The following EXOC6B variants were observed in gnomAD, a reference collection of about 807,000 sequenced individuals.
The protein encoded by EXOC6B is SEC15 homolog B.
In EXOC6B, 54 loss-of-function variants were observed where a neutral mutation model predicts 113.5. The ratio of observed to expected loss-of-function variants is 0.48; its 90% confidence interval spans 0.38 to 0.60. The LOEUF is 0.60. EXOC6B is among the 20% of genes least tolerant of loss of function. EXOC6B has a pLI of 0.00. For synonymous variants in EXOC6B, 357 were observed against 339.0 expected, an observed-to-expected ratio of 1.05 and a Z score of -0.58; for missense variants, 797 against 977.5, an observed-to-expected ratio of 0.82 and a Z score of 2.46.
At chr2:72,587,502 T>A (rs1272215729) in intron 6 of EXOC6B, among the ~76,000 whole-genome samples, 1 of 152,100 alleles carries the variant, frequency 6.6e-6, no homozygotes, top group Non-Finnish European at 1.5e-5. Flanking sequence ...ATCATTCACA[T>A]CCCAAACCTT....
chr2:72,456,860 G>T (rs1367130268), intron 18 of EXOC6B, among the ~76,000 whole-genome samples: 1 of 152,046 alleles, frequency 6.6e-6, no homozygotes, highest in African/African-American at 2.4e-5. Flanking sequence ...ATTTTAAAAA[G>T]TGCCACAAAG....
intron 20 of EXOC6B, among the ~76,000 whole-genome samples, chr2:72,215,219 C>A (rs932939099): frequency 2.0e-5 from 3 of 152,166 alleles, no homozygotes; most frequent in Non-Finnish European, 4.4e-5. Flanking sequence ...ATCAGTAAGT[C>A]TTACTGTTTC....
At chr2:72,240,519 T>C (rs754191093) in intron 20 of EXOC6B, among the ~76,000 whole-genome samples, 1 of 152,196 alleles carries the variant, frequency 6.6e-6, no homozygotes, top group Non-Finnish European at 1.5e-5. Context: ...GACCTATATA[T>C]ATTCCAAATG....
At chr2:72,488,296 A>G (rs977671817) in intron 16 of EXOC6B, among the ~76,000 whole-genome samples, 1 of 151,858 alleles carries the variant, frequency 6.6e-6, no homozygotes, top group African/African-American at 2.4e-5. Context: ...TGATATCTTA[A>G]TATCAGAGTA....
chr2:72,693,989 G>T (rs1677686454), intron 6 of EXOC6B, among the ~76,000 whole-genome samples: 1 of 152,134 alleles, frequency 6.6e-6, no homozygotes, highest in Non-Finnish European at 1.5e-5. Flanking sequence ...GAGGAAATGT[G>T]ACATGAGATA....
chr2:72,513,297 TTTTA>T (rs1443024966), intron 10 of EXOC6B, 45 bp from the exon 11 acceptor site: 2 of 1,607,886 alleles, frequency 1.2e-6, no homozygotes, highest in Middle Eastern at 3.3e-4. Context: ...GAAATTACAG[TTTTA>T]TTACTCTCTC....
intron 17 of EXOC6B, among the ~76,000 whole-genome samples, chr2:72,472,364 T>C (rs1376355046): frequency 6.6e-6 from 1 of 152,186 alleles, no homozygotes; most frequent in Non-Finnish European, 1.5e-5. Flanking sequence ...AGATACTATT[T>C]ATTACTGCTT....
chr2:72,804,882 C>T (rs1685495796), intron 1 of EXOC6B, among the ~76,000 whole-genome samples: 1 of 152,128 alleles, frequency 6.6e-6, no homozygotes, highest in South Asian at 2.1e-4. Context: ...CAGACGTGAG[C>T]CACCACACCC....
At chr2:72,772,171 G>A (rs1227887262) in intron 1 of EXOC6B, among the ~76,000 whole-genome samples, 4 of 152,174 alleles carry the variant, frequency 2.6e-5, no homozygotes, top group Non-Finnish European at 5.9e-5. Flanking sequence ...GGAGGAAAAC[G>A]AGAATGATAT....
At chr2:72,508,184 A>ACC (rs1553430338) in intron 11 of EXOC6B, among the ~76,000 whole-genome samples, 10 of 89,108 alleles carry the variant, frequency 1.1e-4, no homozygotes, top group South Asian at 5.8e-4. Context: ...AAAAAAAAAA[A>ACC]ACACCTAAAA....
At chr2:72,264,216 G>T (rs1042004099) in intron 20 of EXOC6B, among the ~76,000 whole-genome samples, 1 of 152,132 alleles carries the variant, frequency 6.6e-6, no homozygotes, top group African/African-American at 2.4e-5. Context: ...ATGGGACCCA[G>T]AGTCTCTTCT....
intron 20 of EXOC6B, among the ~76,000 whole-genome samples, chr2:72,244,395 A>G (rs146369941): frequency 2.0e-5 from 3 of 152,326 alleles, no homozygotes; most frequent in African/African-American, 7.2e-5. Context: ...TTGTGGATGC[A>G]GCAAACGTAA....
intron 6 of EXOC6B, among the ~76,000 whole-genome samples, chr2:72,645,159 A>C (rs1673606807): frequency 6.6e-6 from 1 of 152,176 alleles, no homozygotes; most frequent in African/African-American, 2.4e-5. Flanking sequence ...AATAAAACAG[A>C]CTTTAAACCA....
At chr2:72,479,855 T>C (rs930273066) in intron 17 of EXOC6B, among the ~76,000 whole-genome samples, 1 of 152,042 alleles carries the variant, frequency 6.6e-6, no homozygotes, top group African/African-American at 2.4e-5. Flanking sequence ...AATTATAAAA[T>C]TGCTAACTGG....
chr2:72,713,551 T>C (rs1181089094), intron 6 of EXOC6B, among the ~76,000 whole-genome samples: 3 of 152,080 alleles, frequency 2.0e-5, no homozygotes, highest in Admixed American at 1.3e-4. Flanking sequence ...CATTTAGCAT[T>C]AGGTATATCT....
intron 17 of EXOC6B, among the ~76,000 whole-genome samples, chr2:72,473,024 AT>A (rs1371498185): frequency 2.0e-5 from 3 of 152,104 alleles, no homozygotes; most frequent in African/African-American, 7.2e-5. Context: ...GTTTTACACC[AT>A]TGTGATCTGG....
intron 20 of EXOC6B, among the ~76,000 whole-genome samples, chr2:72,190,140 C>T (rs1678736264): frequency 6.6e-6 from 1 of 151,718 alleles, no homozygotes; most frequent in South Asian, 2.1e-4. Context: ...AAGTAATCCT[C>T]CCACCTTCAC....
At chr2:72,432,876 G>A (rs1346797185) in intron 18 of EXOC6B, among the ~76,000 whole-genome samples, 14 of 152,110 alleles carry the variant, frequency 9.2e-5, no homozygotes, top group Non-Finnish European at 2.1e-4. Context: ...TCACTCTGAT[G>A]TTAGTTTCTT....
chr2:72,288,912 T>A, intron 20 of EXOC6B: 1 of 221,902 alleles, frequency 4.5e-6, no homozygotes, highest in Non-Finnish European at 9.1e-6. Context: ...CTGGGAAAAT[T>A]ATTGTGAACC....
Sources: allele counts gnomAD v4.1 joint callset (sites outside exome capture counted in the v4.1 genomes callset), GRCh38; gene constraint gnomAD v4.1.1; transcripts MANE v1.5; gene names NCBI Gene and HGNC (gene_info 2026-07-23, HGNC 2026-07-21).